The following ARB2A variants were observed in gnomAD, a reference collection of about 807,000 sequenced individuals.
ARB2A encodes ARB2 cotranscriptional regulator A, also known as cotranscriptional regulator ARB2A.
the ARB2A span, among the ~76,000 whole-genome samples, chr5:94,018,034 T>A: frequency 6.6e-6 from 1 of 152,180 alleles, no homozygotes; most frequent in Admixed American, 6.5e-5. Context: ...ATGTAAAAAA[T>A]GCCTTCCTCC....
the ARB2A span, among the ~76,000 whole-genome samples, chr5:94,049,623 C>CA: frequency 6.0e-5 from 9 of 149,318 alleles, no homozygotes; most frequent in South Asian, 2.1e-4. Context: ...ACTAAAAGTA[C>CA]AAAAAAAAAT....
chr5:93,986,439 G>A, the ARB2A span, among the ~76,000 whole-genome samples: 1 of 149,942 alleles, frequency 6.7e-6, no homozygotes. Flanking sequence ...CATCTGGGGG[G>A]TGGGGGGGCC....
At chr5:93,870,289 T>G in the ARB2A span, among the ~76,000 whole-genome samples, 9 of 152,310 alleles carry the variant, frequency 5.9e-5, no homozygotes, top group East Asian at 1.5e-3. Context: ...ATCAAGAGTT[T>G]AAATGAGATA....
chr5:93,871,949 CTTTT>C, the ARB2A span, among the ~76,000 whole-genome samples: 4 of 132,098 alleles, frequency 3.0e-5, no homozygotes, highest in Non-Finnish European at 3.3e-5. Context: ...GGAATTTTTT[CTTTT>C]TTTTTTTTTT....
chr5:93,851,385 T>C, the ARB2A span, among the ~76,000 whole-genome samples: 5 of 152,190 alleles, frequency 3.3e-5, no homozygotes, highest in African/African-American at 1.2e-4. Context: ...AGTAATTTTG[T>C]TGGTTGAAAT....
chr5:94,028,276 T>C, the ARB2A span, among the ~76,000 whole-genome samples: 1 of 152,122 alleles, frequency 6.6e-6, no homozygotes, highest in African/African-American at 2.4e-5. Context: ...TGTGGGAGCA[T>C]GAGAAAATCA....
the ARB2A span, among the ~76,000 whole-genome samples, chr5:93,871,283 T>C: frequency 4.1e-4 from 63 of 152,332 alleles, 1 homozygote; most frequent in East Asian, 5.0e-3. Context: ...AAGATTTATG[T>C]AACTAAGTGA....
the ARB2A span, among the ~76,000 whole-genome samples, chr5:93,977,531 T>G: frequency 6.6e-6 from 1 of 152,170 alleles, no homozygotes; most frequent in Admixed American, 6.6e-5. Context: ...GATACCCTAT[T>G]CAATAAATGG....
chr5:93,851,696 A>G, the ARB2A span, among the ~76,000 whole-genome samples: 2 of 152,076 alleles, frequency 1.3e-5, no homozygotes, highest in South Asian at 4.1e-4. Flanking sequence ...GAGTGAGAAT[A>G]TGTGGTGTTT....
At chr5:93,773,713 C>A in the ARB2A span, among the ~76,000 whole-genome samples, 5 of 152,140 alleles carry the variant, frequency 3.3e-5, no homozygotes, top group African/African-American at 1.2e-4. Flanking sequence ...CATGTGCTCA[C>A]TTTGTGTCTC....
the ARB2A span, among the ~76,000 whole-genome samples, chr5:93,916,364 C>T: frequency 2.0e-5 from 3 of 152,032 alleles, no homozygotes; most frequent in Non-Finnish European, 4.4e-5. Context: ...AGCAAAGCTG[C>T]TATCATCAAG....
chr5:93,691,272 A>G, the ARB2A span, among the ~76,000 whole-genome samples: 3 of 152,042 alleles, frequency 2.0e-5, no homozygotes, highest in Non-Finnish European at 4.4e-5. Context: ...GGAAGCTAAG[A>G]ACCTTGAAAA....
chr5:94,056,732 T>C, the ARB2A span, among the ~76,000 whole-genome samples: 2 of 152,184 alleles, frequency 1.3e-5, no homozygotes, highest in Non-Finnish European at 2.9e-5. Flanking sequence ...CACATTAATG[T>C]TCATAGGAGC....
chr5:93,889,944 AC>A, the ARB2A span, among the ~76,000 whole-genome samples: 1 of 151,950 alleles, frequency 6.6e-6, no homozygotes, highest in Non-Finnish European at 1.5e-5. Flanking sequence ...ATAGTATGAG[AC>A]AGTCAACAAG....
At chr5:93,740,658 G>C in the ARB2A span, 4 of 1,613,894 alleles carry the variant, frequency 2.5e-6, no homozygotes, top group Non-Finnish European at 3.4e-6. Flanking sequence ...TATAGTGGGG[G>C]ATATCCACTG....
the ARB2A span, among the ~76,000 whole-genome samples, chr5:93,977,311 A>G: frequency 6.7e-6 from 1 of 149,584 alleles, no homozygotes. Flanking sequence ...TAAGCAAAAA[A>G]AAATAAAATA....
At chr5:94,015,489 T>C in the ARB2A span, among the ~76,000 whole-genome samples, 2 of 152,014 alleles carry the variant, frequency 1.3e-5, no homozygotes, top group African/African-American at 2.4e-5. Flanking sequence ...ATCAAATACA[T>C]GGACAAACCC....
the ARB2A span, among the ~76,000 whole-genome samples, chr5:93,802,419 G>A: frequency 6.6e-6 from 1 of 152,170 alleles, no homozygotes; most frequent in Non-Finnish European, 1.5e-5. Context: ...GACTGGGTAT[G>A]TATGTATCAA....
chr5:94,068,146 T>G, the ARB2A span, among the ~76,000 whole-genome samples: 1 of 152,186 alleles, frequency 6.6e-6, no homozygotes, highest in Non-Finnish European at 1.5e-5. Context: ...CTGGGGTTCC[T>G]GGCCTCACGG....
Sources: gnomAD v4.1 joint callset for allele counts (sites outside exome capture counted in the v4.1 genomes callset) on GRCh38, gnomAD v4.1.1 for gene constraint, MANE v1.5 for transcripts, NCBI Gene and HGNC (gene_info 2026-07-23, HGNC 2026-07-21) for gene names.